Variants in LDB2 observed in about 807,000 individuals in gnomAD.
LDB2 encodes the protein LIM domain-binding protein 2.
Under a neutral mutation model 44.3 loss-of-function variants are expected in LDB2, and 12 were observed. The ratio of observed to expected loss-of-function variants is 0.27; its 90% confidence interval spans 0.17 to 0.44. LDB2 has a LOEUF of 0.44. LDB2 is among the 20% of genes least tolerant of loss of function. The pLI is 1.00. For synonymous variants in LDB2, 164 were observed against 174.8 expected (o/e 0.94, Z 0.49); for missense variants, 344 against 473.5 (o/e 0.73, Z 2.54).
chr4:16,879,740 A>G (rs1719497194), intron 1 of LDB2, among the ~76,000 whole-genome samples: 1 of 152,196 alleles, frequency 6.6e-6, no homozygotes, highest in Admixed American at 6.5e-5. Context: ...AGAGCTTACA[A>G]TGAATCTCTT....
At chr4:16,556,441 G>T (rs182135933) in intron 5 of LDB2, among the ~76,000 whole-genome samples, 67 of 152,272 alleles carry the variant, frequency 4.4e-4, no homozygotes, top group African/African-American at 1.6e-3. Context: ...GAATATAGTG[G>T]GCACTCAGTA....
intron 2 of LDB2, among the ~76,000 whole-genome samples, chr4:16,655,517 T>C (rs957947477): frequency 6.6e-6 from 1 of 152,110 alleles, no homozygotes; most frequent in Non-Finnish European, 1.5e-5. Flanking sequence ...CCCACAATCG[T>C]CCGTTACACA....
intron 1 of LDB2, among the ~76,000 whole-genome samples, chr4:16,797,336 A>C (rs1776928043): frequency 6.6e-6 from 1 of 152,186 alleles, no homozygotes; most frequent in Non-Finnish European, 1.5e-5. Context: ...GTTTTGACAA[A>C]CTAAGGATCA....
At chr4:16,879,561 T>G (rs1038373853) in intron 1 of LDB2, among the ~76,000 whole-genome samples, 1 of 152,206 alleles carries the variant, frequency 6.6e-6, no homozygotes, top group Non-Finnish European at 1.5e-5. Context: ...AATATTGATC[T>G]TTTCCTACTT....
intron 5 of LDB2, among the ~76,000 whole-genome samples, chr4:16,561,668 C>G (rs996459801): frequency 1.3e-5 from 2 of 152,142 alleles, no homozygotes; most frequent in African/African-American, 4.8e-5. Context: ...GATTCAATGC[C>G]ATCCCCATCA....
intron 2 of LDB2, among the ~76,000 whole-genome samples, chr4:16,714,557 CCTT>C (rs1204866209): frequency 6.6e-6 from 1 of 152,144 alleles, no homozygotes; most frequent in Non-Finnish European, 1.5e-5. Flanking sequence ...TCTTTAAAGT[CCTT>C]CTCTTCTACT....
chr4:16,510,622 T>C (rs939593562), intron 6 of LDB2, among the ~76,000 whole-genome samples: 19 of 152,216 alleles, frequency 1.2e-4, no homozygotes, highest in Admixed American at 1.2e-3. Flanking sequence ...TAATAGACTT[T>C]GGAGACATAA....
chr4:16,835,343 G>A (rs936092783), intron 1 of LDB2, among the ~76,000 whole-genome samples: 4 of 152,110 alleles, frequency 2.6e-5, no homozygotes, highest in Admixed American at 6.5e-5. Flanking sequence ...ACCATTAGAT[G>A]GACTTGCCTG....
At chr4:16,731,312 T>C (rs535204398) in intron 2 of LDB2, among the ~76,000 whole-genome samples, 1 of 152,220 alleles carries the variant, frequency 6.6e-6, no homozygotes, top group South Asian at 2.1e-4. Flanking sequence ...GAAATATGGG[T>C]TCACTTATTG....
At chr4:16,779,257 G>C (rs57810877) in intron 1 of LDB2, among the ~76,000 whole-genome samples, 1 of 152,138 alleles carries the variant, frequency 6.6e-6, no homozygotes, top group Admixed American at 6.5e-5. Flanking sequence ...GCTTTCCCCC[G>C]CTAAGTGCAC....
chr4:16,749,929 A>G (rs77850222), intron 2 of LDB2, among the ~76,000 whole-genome samples: 3,015 of 152,292 alleles, frequency 0.02, 45 homozygotes, highest in Admixed American at 0.029. Context: ...CCCAGGCTCA[A>G]TCTTTTTCCA....
intron 2 of LDB2, among the ~76,000 whole-genome samples, chr4:16,679,259 T>C (rs888705247): frequency 2.0e-5 from 3 of 151,628 alleles, no homozygotes; most frequent in Non-Finnish European, 4.4e-5. Context: ...GATGTCAGTG[T>C]ATAAAGAAAG....
At chr4:16,874,976 A>G (rs1298157921) in intron 1 of LDB2, among the ~76,000 whole-genome samples, 1 of 152,220 alleles carries the variant, frequency 6.6e-6, no homozygotes, top group Non-Finnish European at 1.5e-5. Flanking sequence ...AGGGGACCTG[A>G]CATCCCAAAA....
In LDB2 at chr4:16,674,881, G is replaced by A. The variant is rs564697687; in HGVS notation, c.236-79006C>T. ...CCACCAATGTTAAGGGAGTATACTT[G>A]GCTTCTGTTCTTATTCAAAACTATT... On this transcript the variant is annotated intron_variant, in intron 2 of 7. Coordinates refer to ENST00000304523, the MANE Select transcript of LDB2 (RefSeq NM_001290.5). Among the ~76,000 whole-genome samples the A allele has an allele frequency of 1.7e-4, 26 of 151,892 alleles. 1 individual carries two copies. Among genetic ancestry groups the A allele is most frequent in the Admixed American group, 1.2e-3 (19 of 15,270 alleles).
chr4:16,550,800 C>G (rs1737388477), intron 5 of LDB2, among the ~76,000 whole-genome samples: 1 of 152,180 alleles, frequency 6.6e-6, no homozygotes, highest in African/African-American at 2.4e-5. Flanking sequence ...GAGACTTGTA[C>G]AAGGGTGTTT....
At chr4:16,593,142 A>G (rs1416720153) in intron 3 of LDB2, among the ~76,000 whole-genome samples, 1 of 152,198 alleles carries the variant, frequency 6.6e-6, no homozygotes, top group Non-Finnish European at 1.5e-5. Context: ...TTGATTCACC[A>G]GTTGACCAAA....
rs75766147 is a variant in LDB2 at position 16,625,809 on chromosome 4, C to T, written c.236-29934G>A. Among the ~76,000 whole-genome samples, 852 of 152,280 alleles carry T rather than the reference C, an allele frequency of 5.6e-3. 12 individuals are homozygous for T. The highest frequency in any genetic ancestry group is 0.02 in the African/African-American group (824 of 41,560). On this transcript the variant is annotated intron_variant, in intron 2 of 7. Coordinates refer to ENST00000304523, the MANE Select transcript of LDB2 (RefSeq NM_001290.5). ...TGATTCCAGCATGCTGTTTCATCAT[C>T]ATTGTAAAGAGTGTCTCCAATGTCT...
At chr4:16,685,961 A>G (rs761818430) in intron 2 of LDB2, among the ~76,000 whole-genome samples, 9 of 152,152 alleles carry the variant, frequency 5.9e-5, no homozygotes, top group Non-Finnish European at 1.3e-4. Context: ...CTGAGGCAAG[A>G]GAATCACTTG....
intron 2 of LDB2, among the ~76,000 whole-genome samples, chr4:16,615,986 C>T (rs985951559): frequency 2.0e-5 from 3 of 152,282 alleles, no homozygotes; most frequent in South Asian, 2.1e-4. Flanking sequence ...AGAACAGAAG[C>T]AACCTCATGG....
Sources: allele counts gnomAD v4.1 joint callset (sites outside exome capture counted in the v4.1 genomes callset), GRCh38; gene constraint gnomAD v4.1.1; transcripts MANE v1.5; gene names NCBI Gene and HGNC (gene_info 2026-07-23, HGNC 2026-07-21).